The following TRAP1 variants were observed in gnomAD, a reference collection of about 807,000 sequenced individuals.
TRAP1 encodes heat shock protein 75 kDa, mitochondrial.
In TRAP1, 102 loss-of-function variants were observed where a neutral mutation model predicts 89.1. The observed-to-expected ratio is 1.15, with a 90% CI of 0.98 to 1.35. The LOEUF (loss-of-function observed/expected upper bound fraction) is 1.35, where lower values mean the gene tolerates loss of function less well. Among genes scored for constraint, TRAP1 ranks in the 40% most tolerant of loss-of-function variants. The probability of loss-of-function intolerance (pLI) is 0.00; values close to 1 mark genes in which losing one functional copy is unlikely to be tolerated. For synonymous variants in TRAP1, 508 were observed against 388.0 expected, an observed-to-expected ratio of 1.31 and a Z score of -3.64; for missense variants, 1,256 against 945.3, an observed-to-expected ratio of 1.33 and a Z score of -4.31.
Position 3,689,308 on chromosome 16 carries a change from G to T in TRAP1, c.248-171C>A, listed in dbSNP as rs191483376. 3.4e-3 allele frequency among the ~76,000 whole-genome samples: 493 copies of T among 146,478 alleles called. 2 individuals carry two copies. Among genetic ancestry groups the T allele is most frequent in the African/African-American group, 0.012 (474 of 39,084 alleles). On this transcript the variant is annotated intron_variant, in intron 2 of 17. Coordinates refer to ENST00000246957, the MANE Select transcript of TRAP1 (RefSeq NM_016292.3). ...CACCCAGGCTGGAGTACAGTGGCAC[G>T]ATCTCGGCTCACTGCAAGCTCTGCC...
At chr16:3,707,924 C>T (rs1479400470) in intron 1 of TRAP1, among the ~76,000 whole-genome samples, 3 of 151,576 alleles carry the variant, frequency 2.0e-5, no homozygotes, top group African/African-American at 7.3e-5. Context: ...ACGGCTCCTG[C>T]GTGTAATCCC....
At chr16:3,716,556 T>C (rs1253493790) in intron 1 of TRAP1, among the ~76,000 whole-genome samples, 1 of 152,220 alleles carries the variant, frequency 6.6e-6, no homozygotes, top group Non-Finnish European at 1.5e-5. Context: ...TGAAAAGATG[T>C]GGAAAGAATG....
chr16:3,713,471 C>CT (rs1443351946), intron 1 of TRAP1, among the ~76,000 whole-genome samples: 1 of 152,176 alleles, frequency 6.6e-6, no homozygotes, highest in African/African-American at 2.4e-5. Context: ...TCTCACAACT[C>CT]TGATTTCCAA....
chr16:3,717,512 G>A lies in TRAP1; in HGVS notation c.-4C>T, dbSNP rs967697428. 5 of 1,357,692 alleles carry A rather than the reference G, an allele frequency of 3.7e-6. No individual in the cohort carries two copies. Among genetic ancestry groups the A allele is most frequent in the Admixed American group, 3.3e-5 (1 of 30,558 alleles). The allele number at this position is 1,357,692 out of a possible 1,614,324, so 84.1% of individuals were successfully genotyped here. A position where few individuals can be genotyped will look rare whatever the true frequency, so the allele number is the denominator to read the frequency against. On this transcript the variant is annotated 5_prime_UTR_variant, in exon 1 of 18. In the 5' UTR this introduces an upstream ATG that the reference lacks. Coordinates refer to ENST00000246957, the MANE Select transcript of TRAP1 (RefSeq NM_016292.3). ...GCGCCCGCAGCTCGCGCGCCATGTC[G>A]TACTCCCAGAGCGCCGCGCGCAGCC...
chr16:3,690,910 G>A lies in TRAP1; in HGVS notation c.164C>T (p.Ala55Val), dbSNP rs369750060. 2.0e-4 allele frequency: 312 copies of A among 1,592,716 alleles called. No homozygotes were observed. The highest frequency in any genetic ancestry group is 2.6e-4 in the Non-Finnish European group (307 of 1,169,918). ...PRRNPAWSLQ[A>V]GRLFSTQTAE... The stretch of plus-strand genomic sequence containing the variant: ...GGTCTGCGTGCTGAACAGTCGTCCT[G>A]CCTGCAAGCTCCAGGCTGGGTTTCG... Residue 55 changes from alanine (A) to valine (V), a missense_variant, in exon 2 of 18, where the codon GCA (alanine) becomes GTA (valine). Ala to Val is a moderately conservative substitution (Grantham distance 64). Transcript: ENST00000246957.
intron 1 of TRAP1, among the ~76,000 whole-genome samples, chr16:3,712,533 T>C (rs2051546409): frequency 6.6e-6 from 1 of 152,068 alleles, no homozygotes; most frequent in African/African-American, 2.4e-5. Flanking sequence ...TACTTGGAGA[T>C]TCCTCTTTTG....
intron 7 of TRAP1, 92 bp from the exon 8 acceptor site, chr16:3,675,489 G>T: frequency 7.9e-7 from 1 of 1,262,990 alleles, no homozygotes; most frequent in Non-Finnish European, 1.1e-6. Context: ...CCAGCCTGCT[G>T]GGAAGGGTCC....
rs762324081 is a variant in TRAP1 at position 3,704,365 on chromosome 16, T to TA, written c.88+13055dup. 6 of 152,254 alleles carry TA rather than the reference T, an allele frequency of 3.9e-5. No individual in the cohort carries two copies. The South Asian group carries it at 8.3e-4, about 21-fold the overall frequency. 9.4% of individuals were successfully genotyped at this position (152,254 alleles called of 1,614,324 possible). A position where few individuals can be genotyped will look rare whatever the true frequency, so the allele number is the denominator to read the frequency against. ...TCAAAACAAACAAAACGTTGCATTATAAAAAACACTTAAAAACTTACGAGA... is the reference window on the plus strand; with the variant it reads ...TCAAAACAAACAAAACGTTGCATTATAAAAAAACACTTAAAAACTTACGAGA... On this transcript the variant is annotated intron_variant, in intron 1 of 17. Transcript: ENST00000246957.
chr16:3,662,170 C>G, intron 15 of TRAP1, 38 bp from the exon 16 acceptor site: 1 of 1,588,064 alleles, frequency 6.3e-7, no homozygotes, highest in South Asian at 1.1e-5. Context: ...GATAGAGGTT[C>G]CCAATGTGAG....
intron 1 of TRAP1, among the ~76,000 whole-genome samples, chr16:3,707,077 A>T (rs904523280): frequency 6.6e-6 from 1 of 151,990 alleles, no homozygotes; most frequent in African/African-American, 2.4e-5. Context: ...ATTTTTAATT[A>T]TAGCCACCCT....
chr16:3,685,295 T>C (rs1429332874), intron 4 of TRAP1, among the ~76,000 whole-genome samples: 1 of 151,848 alleles, frequency 6.6e-6, no homozygotes, highest in African/African-American at 2.4e-5. Flanking sequence ...CAAGAGGGAG[T>C]GCGTAAAGCT....
chr16:3,693,892 C>T (rs569403300), intron 1 of TRAP1, among the ~76,000 whole-genome samples: 2 of 151,806 alleles, frequency 1.3e-5, no homozygotes, highest in Admixed American at 6.6e-5. Flanking sequence ...ACTTGTGAGG[C>T]TGAGGTGGGA....
chr16:3,664,538 C>G, intron 12 of TRAP1, 79 bp from the exon 13 acceptor site: 1 of 1,455,544 alleles, frequency 6.9e-7, no homozygotes, highest in Non-Finnish European at 9.2e-7. Flanking sequence ...CGCAAACCCT[C>G]CGATGCCCAT....
intron 3 of TRAP1, among the ~76,000 whole-genome samples, chr16:3,687,877 A>C (rs1055169871): frequency 1.3e-5 from 2 of 150,210 alleles, no homozygotes; most frequent in Non-Finnish European, 3.0e-5. Context: ...AAAAAAAAAA[A>C]CAAAAACCCA....
intron 5 of TRAP1, among the ~76,000 whole-genome samples, chr16:3,679,498 G>C (rs1432281576): frequency 2.0e-5 from 3 of 152,134 alleles, no homozygotes; most frequent in Admixed American, 2.0e-4. Context: ...TGCAGACTTT[G>C]CTATCCAAGG....
At chr16:3,664,111 G>A in intron 13 of TRAP1, 163 bp downstream of exon 13, 1 of 717,216 alleles carries the variant, frequency 1.4e-6, no homozygotes, top group East Asian at 3.1e-5. Flanking sequence ...CTCCAAGTGG[G>A]AAACAGCCGT....
At chr16:3,701,778 G>A (rs1035137537) in intron 1 of TRAP1, among the ~76,000 whole-genome samples, 1 of 152,180 alleles carries the variant, frequency 6.6e-6, no homozygotes, top group African/African-American at 2.4e-5. Context: ...AGTAGTGGCA[G>A]GACCCACAGG....
chr16:3,677,843 G>T, intron 5 of TRAP1, 185 bp from the exon 6 acceptor site: 1 of 646,936 alleles, frequency 1.5e-6, no homozygotes, highest in Non-Finnish European at 2.6e-6. Flanking sequence ...TTAGCCCTAG[G>T]ACAACCAGCT....
chr16:3,660,732 CAAAAG>C (rs1341685999), intron 16 of TRAP1: 1 of 151,902 alleles, frequency 6.6e-6, no homozygotes, highest in Non-Finnish European at 1.5e-5. Context: ...TGTAAAATGA[CAAAAG>C]AAAAAAACTA....
Sources: gnomAD v4.1 joint callset for allele counts (sites outside exome capture counted in the v4.1 genomes callset) on GRCh38, gnomAD v4.1.1 for gene constraint, MANE v1.5 for transcripts, NCBI Gene and HGNC (gene_info 2026-07-23, HGNC 2026-07-21) for gene names.